KCNU1: variants seen among roughly 807,000 people sequenced by gnomAD.
KCNU1 encodes potassium channel subfamily U member 1.
Under a neutral mutation model 126.8 loss-of-function variants are expected in KCNU1, and 93 were observed. The ratio of observed to expected loss-of-function variants is 0.73; its 90% CI spans 0.62 to 0.87. The LOEUF (loss-of-function observed/expected upper bound fraction) is 0.87, where lower values mean the gene tolerates loss of function less well. Among genes scored for constraint, KCNU1 ranks in the 40% least tolerant of loss-of-function variants. The pLI, the probability that KCNU1 is intolerant of heterozygous loss-of-function variation, is 0.00. For synonymous variants in KCNU1, 523 were observed against 494.2 expected (o/e 1.06, Z -0.77); for missense variants, 1,330 against 1,367.1 (o/e 0.97, Z 0.43).
Position 36,784,505 on chromosome 8 carries a change from T to C in KCNU1, c.95T>C (p.Phe32Ser), listed in dbSNP as rs1261558199. 2 of 1,613,898 alleles carry C rather than the reference T, an allele frequency of 1.2e-6. No homozygotes were observed. The highest frequency in any genetic ancestry group is 1.3e-5 in the African/African-American group (1 of 75,048). Reference sequence around the variant, plus strand: ...CAAGCAGCATTCATTCTCTCTTCCTTTGTGACCTTCTTCAGTGGACTCATC... The same window carrying C: ...CAAGCAGCATTCATTCTCTCTTCCTCTGTGACCTTCTTCAGTGGACTCATC... ...EIQAAFILSS[F>S]VTFFSGLIIL... Residue 32 changes from phenylalanine (F) to serine (S), a missense_variant, in exon 1 of 27, where the codon TTT (phenylalanine) becomes TCT (serine). Physicochemically the swap from Phe to Ser is radical, Grantham distance 155 (BLOSUM62 -2). This residue lies in a region of KCNU1 where 247 missense variants were observed against 255.4 expected (regional missense o/e 0.97). Transcript: ENST00000399881.
chr8:36,928,114 G>A (rs534279714), intron 24 of KCNU1, among the ~76,000 whole-genome samples: 20 of 152,146 alleles, frequency 1.3e-4, no homozygotes, highest in African/African-American at 3.6e-4. Context: ...AGTAAGAATA[G>A]GAGATGAGCT....
At chr8:36,877,963 T>A (rs1752341766) in intron 19 of KCNU1, among the ~76,000 whole-genome samples, 1 of 152,188 alleles carries the variant, frequency 6.6e-6, no homozygotes, top group South Asian at 2.1e-4. Context: ...TGTTCTTCTG[T>A]CTTCCCATCT....
intron 10 of KCNU1, among the ~76,000 whole-genome samples, chr8:36,822,880 G>A (rs2033287162): frequency 6.6e-6 from 1 of 152,140 alleles, no homozygotes; most frequent in Admixed American, 6.6e-5. Context: ...TATGCTGACT[G>A]CATGTGTCTT....
In KCNU1 at chr8:36,905,742, C is replaced by A; in HGVS notation, c.2044C>A (p.Gln682Lys). ...ACATGATGTAGAACAAGATTCTGAC[C>A]AGCTTGATAGCAGTGGGATGTTTCA... The part of the protein sequence containing the change: ...LQHDVEQDSD[Q>K]LDSSGMFHWC... The change falls in exon 20 of 27, where the codon CAG becomes AAG. Residue 682 changes from glutamine (Q) to lysine (K), a missense_variant. By Grantham distance (53) the Gln-to-Lys change is moderately conservative. This residue lies in a region of KCNU1 where 1,054 missense variants were observed against 1,053.9 expected (regional missense o/e 1.00). Coordinates refer to ENST00000399881, the MANE Select transcript of KCNU1 (RefSeq NM_001031836.3). The A allele has an allele frequency of 1.2e-6, 2 of 1,605,992 alleles. No homozygotes were observed. Among genetic ancestry groups the A allele is most frequent in the Non-Finnish European group, 1.7e-6 (2 of 1,173,772 alleles).
chr8:36,862,682 A>G (rs983416734), intron 18 of KCNU1, among the ~76,000 whole-genome samples: 6 of 152,224 alleles, frequency 3.9e-5, no homozygotes, highest in African/African-American at 1.4e-4. Context: ...TTTAGCAAAG[A>G]TTTTGAGAGT....
Position 36,849,435 on chromosome 8 carries a change from A to C in KCNU1, c.1891+3536A>C, listed in dbSNP as rs1805266611. On this transcript the variant is annotated intron_variant, in intron 18 of 26. Transcript: ENST00000399881. ...GAAACCCCGTCTGTACTAAAAATAC[A>C]AAAATTAGCTGGGTGTGGTGGTGTG... 2.0e-5 allele frequency among the ~76,000 whole-genome samples: 3 copies of C among 152,058 alleles called. No individual in the cohort carries two copies. In the South Asian group the frequency reaches 6.2e-4, roughly 32 times the overall value.
intron 1 of KCNU1, among the ~76,000 whole-genome samples, chr8:36,785,218 T>A (rs1174643538): frequency 6.6e-6 from 1 of 152,126 alleles, no homozygotes; most frequent in Non-Finnish European, 1.5e-5. Flanking sequence ...ATGATGAGAA[T>A]AAATGATGTA....
chr8:36,909,503 C>G lies in KCNU1; in HGVS notation c.2299C>G (p.Leu767Val). The G allele has an allele frequency of 6.2e-7, 1 of 1,611,166 alleles. No individual in the cohort carries two copies. The highest frequency in any genetic ancestry group is 2.2e-5 in the East Asian group (1 of 44,878). ...LDYLQREWRF[L>V]WNFPQIYILP... ...CTATCTACAGAGAGAATGGCGATTTCTCTGGAATTTTCCCCAGATATACAT... is the reference window on the plus strand; with the variant it reads ...CTATCTACAGAGAGAATGGCGATTTGTCTGGAATTTTCCCCAGATATACAT... Residue 767 changes from leucine to valine, a missense_variant, in exon 21 of 27, where the codon CTC becomes GTC. Leu to Val is a conservative substitution (Grantham distance 32, BLOSUM62 1). Transcript: ENST00000399881.
At chr8:36,870,859 T>C (rs552549266) in intron 19 of KCNU1, among the ~76,000 whole-genome samples, 7 of 152,302 alleles carry the variant, frequency 4.6e-5, no homozygotes, top group African/African-American at 1.4e-4. Flanking sequence ...CTACATTCAC[T>C]TAACACTATA....
At chr8:36,917,453 C>A (rs576248211) in intron 22 of KCNU1, among the ~76,000 whole-genome samples, 2 of 151,202 alleles carry the variant, frequency 1.3e-5, no homozygotes, top group East Asian at 2.0e-4. Context: ...TGGGCTCAAG[C>A]GACCCTCTCA....
At chr8:36,845,540 C>A in intron 16 of KCNU1, 40 bp from the exon 17 acceptor site, 1 of 1,217,328 alleles carries the variant, frequency 8.2e-7, no homozygotes, top group South Asian at 1.3e-5. Flanking sequence ...CCACTGAAAT[C>A]AGAGGGAAAC....
Position 36,910,920 on chromosome 8 carries a change from C to T in KCNU1, c.2332-10C>T. The T allele has an allele frequency of 6.4e-7, 1 of 1,558,626 alleles. No individual in the cohort carries two copies. Among genetic ancestry groups the T allele is most frequent in the Non-Finnish European group, 8.8e-7 (1 of 1,140,280 alleles). On this transcript the variant is annotated splice_polypyrimidine_tract_variant and intron_variant, in intron 21 of 26. Coordinates refer to ENST00000399881, the MANE Select transcript of KCNU1 (RefSeq NM_001031836.3). ...CGACCAGTGCCTCCTCTCTCTTTTCCTCTCATTAGGGATGTGCACTTTATT... is the reference window on the plus strand; with the variant it reads ...CGACCAGTGCCTCCTCTCTCTTTTCTTCTCATTAGGGATGTGCACTTTATT...
intron 10 of KCNU1, among the ~76,000 whole-genome samples, chr8:36,824,376 C>T (rs974125732): frequency 4.6e-5 from 7 of 152,156 alleles, no homozygotes; most frequent in Non-Finnish European, 1.0e-4. Flanking sequence ...CATTTTATTA[C>T]AGCATATTGT....
intron 19 of KCNU1, among the ~76,000 whole-genome samples, chr8:36,902,229 T>C (rs2117492813): frequency 6.6e-6 from 1 of 152,256 alleles, no homozygotes; most frequent in Non-Finnish European, 1.5e-5. Flanking sequence ...TTTCATAACA[T>C]TAGAATGAAG....
intron 10 of KCNU1, among the ~76,000 whole-genome samples, chr8:36,826,719 A>T (rs564687878): frequency 1.0e-3 from 151 of 149,626 alleles, no homozygotes; most frequent in Non-Finnish European, 1.3e-3. Context: ...TCTTTTTTTT[A>T]AAAAAAGTAA....
At position 36,824,561 on chromosome 8, in the gene KCNU1, T is replaced by C. The variant is rs115304978; in HGVS notation, c.1106+6801T>C. On this transcript the variant is annotated intron_variant, in intron 10 of 26. Coordinates refer to ENST00000399881, the MANE Select transcript of KCNU1 (RefSeq NM_001031836.3). ...TGGGGGTCTTGGAATGTATCCCCTT[T>C]GGATAAGGATGGATTACTATATTCC... Among the ~76,000 whole-genome samples the C allele has an allele frequency of 5.0e-3, 757 of 152,318 alleles. 10 individuals are homozygous for C. Among genetic ancestry groups the C allele is most frequent in the African/African-American group, 0.017 (718 of 41,576 alleles).
intron 16 of KCNU1, among the ~76,000 whole-genome samples, chr8:36,844,390 C>CAA (rs527722655): frequency 1.4e-3 from 192 of 135,258 alleles, no homozygotes; most frequent in African/African-American, 4.9e-3. Context: ...CAAAAAAAAA[C>CAA]AAAAAAAAAA....
intron 19 of KCNU1, among the ~76,000 whole-genome samples, chr8:36,880,119 C>T (rs1806422071): frequency 1.3e-5 from 2 of 152,152 alleles, no homozygotes; most frequent in Admixed American, 1.3e-4. Context: ...ACATGCAGGA[C>T]TGGATTAGAG....
intron 19 of KCNU1, among the ~76,000 whole-genome samples, chr8:36,895,115 C>T (rs1807132854): frequency 6.6e-6 from 1 of 151,634 alleles, no homozygotes; most frequent in African/African-American, 2.4e-5. Context: ...AACAGAATCT[C>T]ACTCTGTCAC....
Sources: allele counts gnomAD v4.1 joint callset (sites outside exome capture counted in the v4.1 genomes callset), GRCh38; gene constraint gnomAD v4.1.1; regional missense constraint gnomAD v4.1.1; transcripts MANE v1.5; gene names NCBI Gene and HGNC (gene_info 2026-07-23, HGNC 2026-07-21).